CSMD3: variants seen among roughly 807,000 people sequenced by gnomAD.
CSMD3 encodes the protein CUB and Sushi multiple domains 3, also known as CUB and sushi domain-containing protein 3.
Under a neutral mutation model 435.2 loss-of-function variants are expected in CSMD3, and 177 were observed. That is an observed-to-expected ratio of 0.41 (90% CI 0.36 to 0.46). The LOEUF (loss-of-function observed/expected upper bound fraction) is 0.46, where lower values mean the gene tolerates loss of function less well. Among genes scored for constraint, CSMD3 ranks in the 20% least tolerant of loss-of-function variants. The pLI is 0.34. For synonymous variants in CSMD3, 1,656 were observed against 1,520.5 expected (o/e 1.09, Z -2.07); for missense variants, 4,265 against 4,504.6 (o/e 0.95, Z 1.52).
chr8:113,276,526 C>T (rs1169440246), intron 3 of CSMD3, among the ~76,000 whole-genome samples: 1 of 151,982 alleles, frequency 6.6e-6, no homozygotes. Context: ...GTATCATGGT[C>T]CTACAAACTT....
chr8:112,594,044 T>A (rs1436602707), intron 22 of CSMD3, among the ~76,000 whole-genome samples: 1 of 152,286 alleles, frequency 6.6e-6, no homozygotes, highest in East Asian at 1.9e-4. Context: ...ACAGCTCCGG[T>A]CTACAGCTCC....
intron 3 of CSMD3, among the ~76,000 whole-genome samples, chr8:113,212,185 A>G (rs778876622): frequency 1.5e-4 from 23 of 152,166 alleles, no homozygotes; most frequent in Non-Finnish European, 1.3e-4. Context: ...CATGAATAAG[A>G]AAAGCACATT....
chr8:113,248,614 C>A (rs1360827154), intron 3 of CSMD3, among the ~76,000 whole-genome samples: 1 of 149,338 alleles, frequency 6.7e-6, no homozygotes, highest in Admixed American at 6.7e-5. Context: ...TATTTATTGA[C>A]AAATGCCCTA....
intron 66 of CSMD3, among the ~76,000 whole-genome samples, chr8:112,238,286 T>C (rs1813789885): frequency 6.6e-6 from 1 of 151,974 alleles, no homozygotes; most frequent in Non-Finnish European, 1.5e-5. Context: ...TTAATTTGTC[T>C]AACAAGTTAT....
chr8:112,804,873 C>A (rs2079046802), intron 12 of CSMD3, among the ~76,000 whole-genome samples: 1 of 152,016 alleles, frequency 6.6e-6, no homozygotes, highest in African/African-American at 2.4e-5. Context: ...CCACGTTGAC[C>A]AGGATGGTCT....
intron 12 of CSMD3, among the ~76,000 whole-genome samples, chr8:112,807,532 GT>G (rs34031083): frequency 0.2 from 29,576 of 148,088 alleles, 3,576 homozygotes; most frequent in Non-Finnish European, 0.28. Context: ...AGGTAGGTAG[GT>G]AGGTAGGAAA....
chr8:113,271,307 G>C (rs559106108), intron 3 of CSMD3, among the ~76,000 whole-genome samples: 6 of 152,094 alleles, frequency 3.9e-5, no homozygotes, highest in Non-Finnish European at 8.8e-5. Flanking sequence ...TCCAGGGCAC[G>C]TCACAGGTCT....
intron 5 of CSMD3, among the ~76,000 whole-genome samples, chr8:113,086,201 ATC>A (rs2089771256): frequency 6.6e-6 from 1 of 151,650 alleles, no homozygotes; most frequent in South Asian, 2.1e-4. Flanking sequence ...GTGAGCCGAG[ATC>A]GCGCCACTGC....
Position 112,650,347 on chromosome 8 carries a change from C to T in CSMD3, c.3007G>A (p.Val1003Ile), listed in dbSNP as rs1274859568. The T allele has an allele frequency of 6.2e-7, 1 of 1,612,500 alleles. No homozygotes were observed. Among genetic ancestry groups the T allele is most frequent in the East Asian group, 2.2e-5 (1 of 44,856 alleles). The part of the protein sequence containing the change: ...NNGFKIHYES[V>I]TVNTYSCLDP... The stretch of plus-strand genomic sequence containing the variant: ...AAACAAGAATACGTGTTCACTGTAA[C>T]ACCTGGAAAACAAAGGGAAGAAAAT... The change falls in exon 19 of 71, where the codon GTT (valine) becomes ATT (isoleucine). Residue 1003 changes from valine (V) to isoleucine (I), a missense_variant and splice_region_variant. Val to Ile is a conservative substitution (Grantham distance 29, BLOSUM62 3). Around this residue, in one of 3 missense-constraint regions of CSMD3, gnomAD observed 3,255 missense variants for 3,380.2 expected, o/e 0.96. Transcript: ENST00000297405.
At chr8:113,084,455 C>T (rs1437511026) in intron 5 of CSMD3, among the ~76,000 whole-genome samples, 1 of 151,688 alleles carries the variant, frequency 6.6e-6, no homozygotes, top group Non-Finnish European at 1.5e-5. Flanking sequence ...TTGAAGATGA[C>T]ATAAACAAAT....
At chr8:112,625,851 T>C (rs1295329095) in intron 22 of CSMD3, among the ~76,000 whole-genome samples, 4 of 152,128 alleles carry the variant, frequency 2.6e-5, no homozygotes, top group African/African-American at 9.7e-5. Context: ...AGTTCATTTG[T>C]CTCTATGTTT....
At chr8:113,281,648 A>G (rs931175879) in intron 2 of CSMD3, among the ~76,000 whole-genome samples, 1 of 151,952 alleles carries the variant, frequency 6.6e-6, no homozygotes, top group East Asian at 1.9e-4. Flanking sequence ...CATTTAGGCC[A>G]TTTACATTCA....
intron 5 of CSMD3, among the ~76,000 whole-genome samples, chr8:113,079,131 T>C (rs1053897725): frequency 6.6e-6 from 1 of 152,192 alleles, no homozygotes. Context: ...GAGTAATTAT[T>C]ATCTCTAATT....
intron 31 of CSMD3, among the ~76,000 whole-genome samples, chr8:112,478,450 A>C (rs1306773755): frequency 6.6e-6 from 1 of 152,150 alleles, no homozygotes; most frequent in African/African-American, 2.4e-5. Flanking sequence ...GGAAATGAGG[A>C]AGTCATTGGG....
chr8:112,607,318 G>A (rs930664090), intron 22 of CSMD3, among the ~76,000 whole-genome samples: 8 of 151,894 alleles, frequency 5.3e-5, no homozygotes, highest in African/African-American at 1.9e-4. Flanking sequence ...TTAATAATGA[G>A]TGAGAAGTCT....
chr8:113,139,740 C>T (rs965704956), intron 4 of CSMD3, among the ~76,000 whole-genome samples: 8 of 151,098 alleles, frequency 5.3e-5, no homozygotes, highest in African/African-American at 1.9e-4. Flanking sequence ...GCTCTAAATA[C>T]ACCAAACAAT....
At chr8:113,336,420 C>T (rs898860591) in intron 1 of CSMD3, among the ~76,000 whole-genome samples, 15 of 151,862 alleles carry the variant, frequency 9.9e-5, no homozygotes, top group African/African-American at 3.6e-4. Flanking sequence ...TCTCTGTCAT[C>T]TAGGGTTGGC....
At chr8:112,933,123 G>A (rs1254002509) in intron 9 of CSMD3, among the ~76,000 whole-genome samples, 1 of 152,058 alleles carries the variant, frequency 6.6e-6, no homozygotes, top group Non-Finnish European at 1.5e-5. Context: ...TGACCTCTGA[G>A]ATTTTTTTTT....
chr8:113,317,619 A>G (rs993328291), intron 1 of CSMD3, among the ~76,000 whole-genome samples: 6 of 152,126 alleles, frequency 3.9e-5, no homozygotes, highest in African/African-American at 1.4e-4. Context: ...AATAAAGTAC[A>G]TTTTTTCCAG....
Sources: allele counts gnomAD v4.1 joint callset (sites outside exome capture counted in the v4.1 genomes callset), GRCh38; gene constraint gnomAD v4.1.1; regional missense constraint gnomAD v4.1.1; transcripts MANE v1.5; gene names NCBI Gene and HGNC (gene_info 2026-07-23, HGNC 2026-07-21).